Variants in TP63 observed in about 807,000 individuals in gnomAD.
TP63 encodes tumor protein p63.
TP63 carries 17 observed loss-of-function variants against 82.8 expected under a neutral mutation model. The ratio of observed to expected loss-of-function variants is 0.21; its 90% CI spans 0.14 to 0.31. The LOEUF (loss-of-function observed/expected upper bound fraction) is 0.31, where lower values mean the gene tolerates loss of function less well. Among genes scored for constraint, TP63 ranks in the 10% least tolerant of loss-of-function variants. The pLI is 1.00. For missense variants in TP63, 648 were observed against 895.3 expected (o/e 0.72, Z 3.52); for synonymous variants, 330 against 321.7 (o/e 1.03, Z -0.28).
At chr3:189,597,539 A>G in the TP63 span, among the ~76,000 whole-genome samples, 1 of 152,282 alleles carries the variant, frequency 6.6e-6, no homozygotes, top group Non-Finnish European at 1.5e-5. Context: ...TGGTAAAAAT[A>G]GAATCAAATG....
At chr3:189,773,324 T>C (rs757220232) in intron 3 of TP63, among the ~76,000 whole-genome samples, 5 of 152,236 alleles carry the variant, frequency 3.3e-5, no homozygotes, top group Admixed American at 3.3e-4. Flanking sequence ...CTTGTAAATC[T>C]TATTTTCGGT....
chr3:189,604,319 T>A, the TP63 span, among the ~76,000 whole-genome samples: 1 of 152,210 alleles, frequency 6.6e-6, no homozygotes, highest in Non-Finnish European at 1.5e-5. Context: ...AGAGAGGTGC[T>A]CATTAAATTC....
chr3:189,673,095 C>G (rs1441434885), intron 1 of TP63, among the ~76,000 whole-genome samples: 2 of 152,126 alleles, frequency 1.3e-5, no homozygotes, highest in Non-Finnish European at 2.9e-5. Flanking sequence ...CCCTCCTCAG[C>G]CTCCCAAAGT....
chr3:189,830,674 G>C (rs1273655067), intron 4 of TP63, among the ~76,000 whole-genome samples: 1 of 152,126 alleles, frequency 6.6e-6, no homozygotes, highest in East Asian at 1.9e-4. Context: ...GATAAGGTAA[G>C]GTCTCCATTT....
chr3:189,872,095 A>G (rs1718493972), intron 9 of TP63, among the ~76,000 whole-genome samples: 1 of 152,172 alleles, frequency 6.6e-6, no homozygotes, highest in Non-Finnish European at 1.5e-5. Context: ...TTTATCCCAC[A>G]TGGAAACTTT....
chr3:189,759,075 T>C (rs1376156081), intron 3 of TP63, among the ~76,000 whole-genome samples: 1 of 152,234 alleles, frequency 6.6e-6, no homozygotes, highest in African/African-American at 2.4e-5. Flanking sequence ...CACACCAATA[T>C]ACTTGAGTTT....
intron 3 of TP63, among the ~76,000 whole-genome samples, chr3:189,802,707 G>A (rs538113439): frequency 6.6e-6 from 1 of 152,278 alleles, no homozygotes; most frequent in South Asian, 2.1e-4. Flanking sequence ...ATCCATACAG[G>A]AGTGTAAGGA....
chr3:189,765,432 G>GTTTTTTTTTTT (rs1560167431), intron 3 of TP63, among the ~76,000 whole-genome samples: 4 of 6,184 alleles, frequency 6.5e-4, no homozygotes, highest in Admixed American at 1.8e-3. Context: ...CCTGTCCTCT[G>GTTTTTTTTTTT]CTTTTTTTTT....
intron 3 of TP63, among the ~76,000 whole-genome samples, chr3:189,797,509 T>A (rs985604070): frequency 1.6e-4 from 24 of 152,092 alleles, no homozygotes; most frequent in Non-Finnish European, 2.6e-4. Flanking sequence ...ATGCCCTGTT[T>A]ACTCAAATCA....
In TP63 at chr3:189,816,021, G is replaced by T. The variant is rs546784570; in HGVS notation, c.579+7495G>T. On this transcript the variant is annotated intron_variant, in intron 4 of 13. Coordinates refer to ENST00000264731, the MANE Select transcript of TP63 (RefSeq NM_003722.5). ...ATACTTGGAAGTTTATTGTTTGTTTGTTCCTGTGCTTATCATTAGAGAATT... is the reference window on the plus strand; with the variant it reads ...ATACTTGGAAGTTTATTGTTTGTTTTTTCCTGTGCTTATCATTAGAGAATT... Among the ~76,000 whole-genome samples, 6 of 152,174 alleles carry T rather than the reference G, an allele frequency of 3.9e-5. No homozygotes were observed. In the South Asian group the frequency reaches 1.2e-3, roughly 32 times the overall value.
intron 3 of TP63, among the ~76,000 whole-genome samples, chr3:189,788,393 A>C (rs902404471): frequency 3.9e-5 from 6 of 152,060 alleles, no homozygotes; most frequent in Non-Finnish European, 8.8e-5. Flanking sequence ...AAGGGGAGGC[A>C]AATCCGAAGT....
intron 11 of TP63, among the ~76,000 whole-genome samples, chr3:189,887,432 C>T (rs529553675): frequency 6.6e-6 from 1 of 152,088 alleles, no homozygotes; most frequent in African/African-American, 2.4e-5. Flanking sequence ...TACGAAGGAA[C>T]CTGCCTTTTA....
Position 189,896,001 on chromosome 3 carries a change from G to A in TP63, c.*1499G>A, listed in dbSNP as rs1038220732. On this transcript the variant is annotated 3_prime_UTR_variant, in exon 14 of 14. Coordinates refer to ENST00000264731, the MANE Select transcript of TP63 (RefSeq NM_003722.5). The stretch of plus-strand genomic sequence containing the variant: ...AGCAAGAGATAAGTCTTTCATGGCT[G>A]CTGTTGCTTAAACCACTTAAACGAA... 6 of 229,394 alleles carry A rather than the reference G, an allele frequency of 2.6e-5. 1 individual carries two copies. The highest frequency in any genetic ancestry group is 2.2e-5 in the African/African-American group (1 of 45,126). The allele number at this position is 229,394 out of a possible 1,614,324, so 14.2% of individuals were successfully genotyped here. A position where few individuals can be genotyped will look rare whatever the true frequency, so the allele number is the denominator to read the frequency against.
chr3:189,620,373 T>C, the TP63 span, among the ~76,000 whole-genome samples: 17 of 151,094 alleles, frequency 1.1e-4, no homozygotes, highest in East Asian at 1.6e-3. Flanking sequence ...AAATACAAAA[T>C]TTAGCTGAGC....
At chr3:189,652,068 G>A (rs556383518) in intron 1 of TP63, among the ~76,000 whole-genome samples, 4 of 146,814 alleles carry the variant, frequency 2.7e-5, no homozygotes, top group African/African-American at 7.6e-5. Context: ...GAAGGGAAAT[G>A]TGGGGTTGGA....
In TP63 at chr3:189,687,303, A is replaced by T. The variant is rs543599933; in HGVS notation, c.63-50437A>T. Among the ~76,000 whole-genome samples, 21 of 152,336 alleles carry T rather than the reference A, an allele frequency of 1.4e-4. No individual in the cohort carries two copies. In the East Asian group the frequency reaches 4.0e-3, roughly 29 times the overall value. On this transcript the variant is annotated intron_variant, in intron 1 of 13. Coordinates refer to ENST00000264731, the MANE Select transcript of TP63 (RefSeq NM_003722.5). ...TCTAGGTGAGTTTTCACATAAATGC[A>T]AAGTTTTCTTTTAATACAATCCAAT...
intron 3 of TP63, among the ~76,000 whole-genome samples, chr3:189,777,018 A>G (rs779947584): frequency 1.1e-4 from 16 of 152,150 alleles, no homozygotes; most frequent in Non-Finnish European, 2.2e-4. Flanking sequence ...AGGGAAGTTA[A>G]ATCATAAACC....
At chr3:189,730,070 G>A (rs1720050986) in intron 1 of TP63, among the ~76,000 whole-genome samples, 1 of 152,184 alleles carries the variant, frequency 6.6e-6, no homozygotes, top group Non-Finnish European at 1.5e-5. Context: ...ATCTAGGGAG[G>A]TGGATAATGA....
intron 1 of TP63, among the ~76,000 whole-genome samples, chr3:189,671,159 A>T (rs559905842): frequency 1.3e-5 from 2 of 152,120 alleles, no homozygotes; most frequent in Non-Finnish European, 2.9e-5. Context: ...TCCAGAATAT[A>T]CGAAAAATTC....
Sources: gnomAD v4.1 joint callset for allele counts (sites outside exome capture counted in the v4.1 genomes callset) on GRCh38, gnomAD v4.1.1 for gene constraint, MANE v1.5 for transcripts, NCBI Gene and HGNC (gene_info 2026-07-23, HGNC 2026-07-21) for gene names.